The following SCHIP1 variants were observed in gnomAD, a reference collection of about 807,000 sequenced individuals.
SCHIP1 encodes schwannomin interacting protein 1.
SCHIP1 carries 8 observed loss-of-function variants against 29.7 expected under a neutral mutation model. The ratio of observed to expected loss-of-function variants is 0.27; its 90% confidence interval spans 0.16 to 0.49. The LOEUF is 0.49. Among genes scored for constraint, SCHIP1 ranks in the 20% least tolerant of loss-of-function variants. SCHIP1 has a pLI of 0.99. For missense variants in SCHIP1, 193 were observed against 294.6 expected (o/e 0.66, Z 2.52); for synonymous variants, 76 against 94.9 (o/e 0.80, Z 1.16).
At chr3:159,585,006 C>T in the SCHIP1 span, among the ~76,000 whole-genome samples, 27 of 152,198 alleles carry the variant, frequency 1.8e-4, 1 homozygote, top group Middle Eastern at 6.8e-3. Context: ...TCTTTATATC[C>T]TTGCTCAAAT....
At chr3:159,813,947 AC>A in the SCHIP1 span, among the ~76,000 whole-genome samples, 13 of 152,162 alleles carry the variant, frequency 8.5e-5, no homozygotes, top group Admixed American at 8.5e-4. Context: ...AACTATCCAG[AC>A]CTGAGAGTTG....
chr3:159,328,971 A>T, the SCHIP1 span, among the ~76,000 whole-genome samples: 1 of 152,216 alleles, frequency 6.6e-6, no homozygotes, highest in African/African-American at 2.4e-5. Flanking sequence ...ATAAAATAAC[A>T]TAATGTAGGT....
At chr3:159,792,878 TAGAA>T in the SCHIP1 span, among the ~76,000 whole-genome samples, 2 of 152,232 alleles carry the variant, frequency 1.3e-5, no homozygotes, top group Non-Finnish European at 2.9e-5. Context: ...ATTAAAATTT[TAGAA>T]AGAATTTGGA....
At chr3:159,888,929 A>C (rs917666738) in exon 5 of SCHIP1, 1 of 1,614,062 alleles carries the variant, frequency 6.2e-7, no homozygotes, top group Non-Finnish European at 8.5e-7. Flanking sequence ...AATGATCTCC[A>C]TTCCCAGATA....
the SCHIP1 span, among the ~76,000 whole-genome samples, chr3:159,466,253 A>T: frequency 6.6e-6 from 1 of 152,018 alleles, no homozygotes; most frequent in Non-Finnish European, 1.5e-5. Context: ...ACTACAGGGG[A>T]GGTGGGAAGA....
At chr3:159,654,520 A>G in the SCHIP1 span, among the ~76,000 whole-genome samples, 1 of 152,010 alleles carries the variant, frequency 6.6e-6, no homozygotes. Context: ...TATATATATT[A>G]TCAGTCATCT....
At chr3:159,895,379 C>T (rs1717960967) in intron 6 of SCHIP1, among the ~76,000 whole-genome samples, 1 of 152,204 alleles carries the variant, frequency 6.6e-6, no homozygotes, top group Admixed American at 6.5e-5. Context: ...AACTTGACAT[C>T]ACTGACTACC....
chr3:159,787,597 T>C, the SCHIP1 span, among the ~76,000 whole-genome samples: 1 of 152,212 alleles, frequency 6.6e-6, no homozygotes, highest in African/African-American at 2.4e-5. Flanking sequence ...TAAATATTCT[T>C]TGGTTAACCT....
the SCHIP1 span, among the ~76,000 whole-genome samples, chr3:159,626,838 G>C: frequency 6.6e-6 from 1 of 152,134 alleles, no homozygotes; most frequent in African/African-American, 2.4e-5. Context: ...AAGTGTCCTA[G>C]ACAAAACAGT....
At chr3:159,780,191 T>C in the SCHIP1 span, among the ~76,000 whole-genome samples, 1 of 152,154 alleles carries the variant, frequency 6.6e-6, no homozygotes, top group African/African-American at 2.4e-5. Flanking sequence ...GTCTAGAGCA[T>C]TTGCAGCAAG....
At chr3:159,512,935 A>C in the SCHIP1 span, among the ~76,000 whole-genome samples, 80 of 152,348 alleles carry the variant, frequency 5.3e-4, no homozygotes, top group African/African-American at 1.9e-3. Flanking sequence ...CAAATCAGCG[A>C]GAACATGTGA....
At chr3:159,649,345 T>G in the SCHIP1 span, among the ~76,000 whole-genome samples, 1 of 152,140 alleles carries the variant, frequency 6.6e-6, no homozygotes, top group Admixed American at 6.6e-5. Context: ...AGGAGATAAA[T>G]GCAAACCATC....
the SCHIP1 span, among the ~76,000 whole-genome samples, chr3:159,508,531 G>C: frequency 6.6e-6 from 1 of 152,028 alleles, no homozygotes; most frequent in South Asian, 2.1e-4. Context: ...GTTTGCTCTT[G>C]CTTCTCTAGT....
chr3:159,340,381 C>G, the SCHIP1 span, among the ~76,000 whole-genome samples: 2 of 151,720 alleles, frequency 1.3e-5, no homozygotes, highest in Non-Finnish European at 2.9e-5. Flanking sequence ...TATCAAAATT[C>G]AATTTATATT....
the SCHIP1 span, among the ~76,000 whole-genome samples, chr3:159,689,712 C>T: frequency 6.6e-6 from 1 of 152,170 alleles, no homozygotes; most frequent in Admixed American, 6.5e-5. Flanking sequence ...TTTGCCCATT[C>T]AGTATGATAT....
At chr3:159,403,417 C>T in the SCHIP1 span, among the ~76,000 whole-genome samples, 3 of 147,264 alleles carry the variant, frequency 2.0e-5, no homozygotes, top group Non-Finnish European at 2.9e-5. Context: ...CTCGAATTGT[C>T]AACACCACCT....
At chr3:159,440,913 G>C in the SCHIP1 span, among the ~76,000 whole-genome samples, 2 of 152,124 alleles carry the variant, frequency 1.3e-5, no homozygotes, top group Non-Finnish European at 2.9e-5. Flanking sequence ...TTGTTTTCTA[G>C]AGCACAACCC....
the SCHIP1 span, among the ~76,000 whole-genome samples, chr3:159,534,363 A>G: frequency 6.6e-6 from 1 of 152,180 alleles, no homozygotes; most frequent in Admixed American, 6.5e-5. Context: ...TTCGTAAGAC[A>G]ATATTGATTG....
At chr3:159,786,797 G>A in the SCHIP1 span, among the ~76,000 whole-genome samples, 2 of 151,894 alleles carry the variant, frequency 1.3e-5, no homozygotes, top group Non-Finnish European at 1.5e-5. Flanking sequence ...CATCACAGCT[G>A]GACCAGCCAC....
Sources: gnomAD v4.1 joint callset for allele counts (sites outside exome capture counted in the v4.1 genomes callset) on GRCh38, gnomAD v4.1.1 for gene constraint, MANE v1.5 for transcripts, NCBI Gene and HGNC (gene_info 2026-07-23, HGNC 2026-07-21) for gene names.